Variants in URGCP observed in about 807,000 individuals in gnomAD.
URGCP encodes up-regulator of cell proliferation.
URGCP carries 13 observed loss-of-function variants against 24.6 expected under a neutral mutation model. The ratio of observed to expected loss-of-function variants is 0.53; its 90% CI spans 0.34 to 0.84. URGCP has a LOEUF of 0.84. Ranked by LOEUF, URGCP falls within the 40% of genes least tolerant of loss-of-function variation. The pLI, the probability that URGCP is intolerant of heterozygous loss-of-function variation, is 0.01. For missense variants in URGCP, 899 were observed against 1,194.3 expected (o/e 0.75, Z 3.64); for synonymous variants, 444 against 487.2 (o/e 0.91, Z 1.17).
At chr7:43,914,729 A>C (rs2095913688) in intron 1 of URGCP, among the ~76,000 whole-genome samples, 1 of 152,122 alleles carries the variant, frequency 6.6e-6, no homozygotes, top group Non-Finnish European at 1.5e-5. Context: ...TCTCTGTTCA[A>C]ATTTGCTTTG....
chr7:43,923,722 C>T (rs919392861), intron 1 of URGCP, among the ~76,000 whole-genome samples: 32 of 152,176 alleles, frequency 2.1e-4, no homozygotes, highest in Admixed American at 6.6e-5. Flanking sequence ...ATATACTCTG[C>T]ATCTTAGACT....
rs2095903432 is a variant in URGCP, at chr7:43,906,550, G to GGCGGCACTCACCCGGGCGAC, written c.6_14+11dup. On this transcript the variant is annotated intron_variant, in intron 1 of 5. Coordinates refer to ENST00000453200, the MANE Select transcript of URGCP (RefSeq NM_001077663.3). ...AGCCGCGGGGGCGCAGGGCCTGCGA[G>GGCGGCACTCACCCGGGCGAC]GCGGCACTCACCCGGGCGACGCCAT... 1 of 1,239,972 alleles carries GGCGGCACTCACCCGGGCGAC rather than the reference G, an allele frequency of 8.1e-7. No individual in the cohort carries two copies. The highest frequency in any genetic ancestry group is 1.0e-6 in the Non-Finnish European group (1 of 983,150). 76.8% of individuals were successfully genotyped at this position (1,239,972 alleles called of 1,614,324 possible).
At chr7:43,894,033 G>C (rs1371503179) in intron 1 of URGCP, among the ~76,000 whole-genome samples, 1 of 152,096 alleles carries the variant, frequency 6.6e-6, no homozygotes, top group Non-Finnish European at 1.5e-5. Flanking sequence ...TCAGCAAGAG[G>C]ATATAACAAT....
Position 43,881,844 on chromosome 7 carries a change from C to T in URGCP, c.163+63G>A, listed in dbSNP as rs559219850. Reference sequence around the variant, plus strand: ...GTTCTAAATATAAAATCCCGGTTATCTGTCACTTTACCCACTCCCCCTCTC... The same window carrying T: ...GTTCTAAATATAAAATCCCGGTTATTTGTCACTTTACCCACTCCCCCTCTC... On this transcript the variant is annotated intron_variant, in intron 4 of 5. Coordinates refer to ENST00000453200, the MANE Select transcript of URGCP (RefSeq NM_001077663.3). 86 of 1,606,218 alleles carry T rather than the reference C, an allele frequency of 5.4e-5. No homozygotes were observed. The South Asian group carries it at 9.3e-4, about 17-fold the overall frequency.
intron 1 of URGCP, among the ~76,000 whole-genome samples, chr7:43,921,606 C>A (rs1000821556): frequency 3.3e-5 from 5 of 152,198 alleles, no homozygotes; most frequent in Non-Finnish European, 7.4e-5. Flanking sequence ...GCCTACTTTA[C>A]AACTTGGCAA....
At chr7:43,911,800 C>G (rs904801925) in intron 1 of URGCP, among the ~76,000 whole-genome samples, 1 of 152,094 alleles carries the variant, frequency 6.6e-6, no homozygotes, top group Non-Finnish European at 1.5e-5. Flanking sequence ...CAAGATAGAC[C>G]ATATGTTAGG....
intron 1 of URGCP, among the ~76,000 whole-genome samples, chr7:43,923,537 C>T (rs1325380858): frequency 6.6e-6 from 1 of 152,162 alleles, no homozygotes; most frequent in Non-Finnish European, 1.5e-5. Context: ...ATCCTCCAAC[C>T]TCAGCTTCCC....
chr7:43,902,432 C>T lies in URGCP; in HGVS notation c.14+4130G>A, dbSNP rs768425099. 1.4e-4 allele frequency among the ~76,000 whole-genome samples: 22 copies of T among 152,268 alleles called. No individual in the cohort carries two copies. In the Middle Eastern group the frequency reaches 0.01, roughly 71 times the overall value. On this transcript the variant is annotated intron_variant, in intron 1 of 5. Transcript: ENST00000453200. ...CAGGTCCTTCCACCCATTCTGTGTCCGAGCTCCTCCCTTCTAGGGCAGGTC... is the reference window on the plus strand; with the variant it reads ...CAGGTCCTTCCACCCATTCTGTGTCTGAGCTCCTCCCTTCTAGGGCAGGTC...
At chr7:43,920,062 C>A (rs2095920431) in intron 1 of URGCP, 1 of 1,292,618 alleles carries the variant, frequency 7.7e-7, no homozygotes, top group African/African-American at 1.5e-5. Flanking sequence ...AGCAGTGAGT[C>A]CCCTAGGACA....
intron 1 of URGCP, among the ~76,000 whole-genome samples, chr7:43,917,239 G>A (rs1327718168): frequency 6.6e-6 from 1 of 152,182 alleles, no homozygotes; most frequent in East Asian, 1.9e-4. Context: ...AAGGATCACT[G>A]TTTATATTAT....
At chr7:43,884,735 G>A (rs993996110) in intron 3 of URGCP, among the ~76,000 whole-genome samples, 3 of 152,190 alleles carry the variant, frequency 2.0e-5, no homozygotes, top group Non-Finnish European at 4.4e-5. Flanking sequence ...TTGGGAGGCT[G>A]AGACAGGAGA....
At chr7:43,903,222 T>G (rs2095894824) in intron 1 of URGCP, among the ~76,000 whole-genome samples, 1 of 152,182 alleles carries the variant, frequency 6.6e-6, no homozygotes, top group Non-Finnish European at 1.5e-5. Context: ...TTCCTTGTTC[T>G]GGCATGGAAA....
chr7:43,880,613 A>G (rs570362968), intron 5 of URGCP, among the ~76,000 whole-genome samples: 5 of 152,026 alleles, frequency 3.3e-5, no homozygotes, highest in African/African-American at 9.6e-5. Flanking sequence ...TAGTTTTTGT[A>G]TGTTTTGTAG....
chr7:43,918,100 C>T (rs914203064), intron 1 of URGCP, among the ~76,000 whole-genome samples: 2 of 151,812 alleles, frequency 1.3e-5, no homozygotes, highest in African/African-American at 2.4e-5. Context: ...ATGGCGAAAC[C>T]CTGTCTCTAC....
intron 1 of URGCP, among the ~76,000 whole-genome samples, chr7:43,925,534 C>G (rs2095928379): frequency 6.6e-6 from 1 of 152,118 alleles, no homozygotes; most frequent in Non-Finnish European, 1.5e-5. Flanking sequence ...GAGTCTCGCT[C>G]TGTCACCCAG....
chr7:43,879,039 C>G lies in URGCP; in HGVS notation c.424G>C (p.Ala142Pro), dbSNP rs371922619. ...TTMVLDVLPD[A>P]RPVEKESQME... The stretch of plus-strand genomic sequence containing the variant: ...TGGCTCTCCTTCTCCACAGGCCTGG[C>G]GTCTGGGAGCACGTCCAGCACCATA... The change falls in exon 6 of 6, where the codon GCC becomes CCC. Residue 142 changes from alanine to proline, a missense_variant. Ala to Pro is a conservative substitution (Grantham distance 27). Coordinates refer to ENST00000453200, the MANE Select transcript of URGCP (RefSeq NM_001077663.3). The G allele has an allele frequency of 4.3e-6, 7 of 1,614,188 alleles. No homozygotes were observed. Among genetic ancestry groups the G allele is most frequent in the Non-Finnish European group, 5.9e-6 (7 of 1,180,028 alleles).
rs768928543 is a variant in URGCP, at chr7:43,918,958, C to A, written c.-116+7174G>T. ...TCCCCCTGTGCCAAGCTCTACAACC[C>A]AGAGAACATCTACCTGTCGGAGCAT... is the stretch of plus-strand genomic sequence containing the variant. On this transcript the variant is annotated intron_variant, in intron 1 of 5. Coordinates refer to the URGCP transcript ENST00000426198. 1.9e-5 allele frequency: 26 copies of A among 1,341,418 alleles called. No homozygotes were observed. In the Middle Eastern group the frequency reaches 5.4e-4, roughly 28 times the overall value. The allele number at this position is 1,341,418 out of a possible 1,614,324, so 83.1% of individuals were successfully genotyped here.
rs1398090743 is a variant in URGCP at position 43,919,541 on chromosome 7, A to G, written c.-116+6591T>C. The G allele has an allele frequency of 2.9e-6, 4 of 1,378,102 alleles. No homozygotes were observed. In the East Asian group the frequency reaches 9.2e-5, roughly 32 times the overall value. 85.4% of individuals were successfully genotyped at this position (1,378,102 alleles called of 1,614,324 possible). On this transcript the variant is annotated intron_variant, in intron 1 of 5. Transcript: ENST00000426198. ...ACACCCAGCTGACTATGGACCAATC[A>G]GTGGCCAGCGTGAGGAAGACCATGG...
chr7:43,926,628 T>G (rs2132741254), upstream of URGCP: 2 of 1,459,882 alleles, frequency 1.4e-6, no homozygotes, highest in Non-Finnish European at 1.8e-6. Context: ...GCCGCTGCCG[T>G]GAAGTGAAAG....
Sources: gnomAD v4.1 joint callset for allele counts (sites outside exome capture counted in the v4.1 genomes callset) on GRCh38, gnomAD v4.1.1 for gene constraint, MANE v1.5 for transcripts, NCBI Gene and HGNC (gene_info 2026-07-23, HGNC 2026-07-21) for gene names.